UNC5CL: variants seen among roughly 807,000 people sequenced by gnomAD.
UNC5CL encodes unc-5 family C-terminal like.
Under a neutral mutation model 54.1 loss-of-function variants are expected in UNC5CL, and 42 were observed. That is an observed-to-expected ratio of 0.78 (90% CI 0.61 to 1.00). The LOEUF (loss-of-function observed/expected upper bound fraction) is 1.00. Ranked by LOEUF, UNC5CL falls within the 50% of genes least tolerant of loss-of-function variation. The pLI, the probability that UNC5CL is intolerant of heterozygous loss-of-function variation, is 0.00. For missense variants in UNC5CL, 619 were observed against 675.6 expected (o/e 0.92, Z 0.93); for synonymous variants, 285 against 285.1 (o/e 1.00, Z 0.00).
chr6:41,033,930 C>T lies in UNC5CL; in HGVS notation c.637G>A (p.Gly213Arg). 6.2e-7 allele frequency: 1 copy of T among 1,613,856 alleles called. No homozygotes were observed. The highest frequency in any genetic ancestry group is 1.1e-5 in the South Asian group (1 of 91,072). Residue 213 changes from glycine to arginine, a missense_variant, in exon 3 of 9, where the codon GGG (glycine) becomes AGG (arginine). Coordinates refer to ENST00000244565, the MANE Select transcript of UNC5CL (RefSeq NM_173561.3). ...CACTCATCCCGGGAGGCGTGGGCCC[C>T]CGGCCGCCCCAGGGGCCTCCATACC... is the stretch of plus-strand genomic sequence containing the variant. ...AKVWRPLGRP[G>R]AHASRDECRI...
intron 2 of UNC5CL, 26 bp downstream of exon 2, chr6:41,034,664 C>CGGA: frequency 6.3e-7 from 1 of 1,593,050 alleles, no homozygotes; most frequent in Admixed American, 1.7e-5. Flanking sequence ...CAACTGTATG[C>CGGA]GGAGATGAGA....
chr6:41,028,728 C>T lies in UNC5CL; in HGVS notation c.1335-133G>A. 1 of 846,130 alleles carries T rather than the reference C, an allele frequency of 1.2e-6. No homozygotes were observed. Among genetic ancestry groups the T allele is most frequent in the Non-Finnish European group, 1.8e-6 (1 of 559,930 alleles). The allele number at this position is 846,130 out of a possible 1,614,324, so 52.4% of individuals were successfully genotyped here. A position where few individuals can be genotyped will look rare whatever the true frequency, so the allele number is the denominator to read the frequency against. On this transcript the variant is annotated intron_variant, in intron 8 of 8. Transcript: ENST00000244565. This position sits in a 1 kb window ranked among gnomAD's most constrained non-coding sequence, Gnocchi z 4.3. The stretch of plus-strand genomic sequence containing the variant: ...CTGTAGCTTTTGTCCTTGTCCTGCT[C>T]TTGCCTGCCTTCCAGGGCACAGGAG...
In UNC5CL at chr6:41,028,367, G is replaced by A. The variant is rs1333450616; in HGVS notation, c.*6C>T. 1.9e-6 allele frequency: 3 copies of A among 1,566,442 alleles called. No homozygotes were observed. The highest frequency in any genetic ancestry group is 2.6e-6 in the Non-Finnish European group (3 of 1,157,068). ...TACACCTCCTCCGGCCCTGCCCGCT[G>A]GGCGCTCAGAGCTTCTCGTCCAGCT... On this transcript the variant is annotated 3_prime_UTR_variant, in exon 9 of 9. Coordinates refer to ENST00000244565, the MANE Select transcript of UNC5CL (RefSeq NM_173561.3). This position sits in a 1 kb window ranked among gnomAD's most constrained non-coding sequence, Gnocchi z 4.3.
In UNC5CL at chr6:41,034,905, G is replaced by A. The variant is rs537774250; in HGVS notation, c.170C>T (p.Thr57Ile). The change falls in exon 2 of 9, where the codon ACC (threonine) becomes ATC (isoleucine). Residue 57 changes from threonine to isoleucine, a missense_variant. Thr to Ile is a moderately conservative substitution (Grantham distance 89). Transcript: ENST00000244565. ...NGQEEPVSQP[T>I]PQLENEVSRQ... ...TGAGACCTCATTTTCTAGTTGGGGG[G>A]TAGGCTGGGACACTGGTTCCTCTTG... 33 of 1,614,202 alleles carry A rather than the reference G, an allele frequency of 2.0e-5. No individual in the cohort carries two copies. The Admixed American group carries it at 2.5e-4, about 12-fold the overall frequency.
In UNC5CL at chr6:41,027,098, A is replaced by T. The variant is rs1218639262; in HGVS notation, c.*1275T>A. 1 of 152,200 alleles carries T rather than the reference A, an allele frequency of 6.6e-6. No individual in the cohort carries two copies. The highest frequency in any genetic ancestry group is 1.9e-4 in the East Asian group (1 of 5,196). The allele number at this position is 152,200 out of a possible 1,614,324, so 9.4% of individuals were successfully genotyped here. On this transcript the variant is annotated 3_prime_UTR_variant, in exon 9 of 9. Transcript: ENST00000244565. ...TCATGTCTTTTGTATACAGTATCAAACACATAGTAGGTGCTGAATAAGTAT... is the reference window on the plus strand; with the variant it reads ...TCATGTCTTTTGTATACAGTATCAATCACATAGTAGGTGCTGAATAAGTAT...
intron 6 of UNC5CL, 66 bp from the exon 7 acceptor site, chr6:41,030,821 G>A: frequency 2.8e-6 from 4 of 1,425,428 alleles, no homozygotes; most frequent in East Asian, 2.3e-5. Flanking sequence ...TAAGAAGCTG[G>A]AGTCCTACCT....
rs1762475660 is a variant in UNC5CL, at chr6:41,033,091, G to A, written c.742C>T (p.Gln248Ter). 1.9e-6 allele frequency: 3 copies of A among 1,612,434 alleles called. No homozygotes were observed. Among genetic ancestry groups the A allele is most frequent in the South Asian group, 1.1e-5 (1 of 90,804 alleles). The stretch of plus-strand genomic sequence containing the variant: ...AGCGGTGAGCAGAATACGGCCAGCT[G>A]CAGCCATTTGCGGGCTTCGCGCCCC... ...PVGREARKWL[Q>*]LAVFCSPLVP... Residue 248 changes from glutamine to a stop codon, truncating the protein, a stop_gained, in exon 4 of 9, where the codon CAG becomes TAG. Transcript: ENST00000244565. LOFTEE classifies it high-confidence loss of function.
intron 1 of UNC5CL, among the ~76,000 whole-genome samples, chr6:41,036,276 C>T (rs890565455): frequency 2.0e-5 from 3 of 152,192 alleles, no homozygotes; most frequent in South Asian, 4.1e-4. Context: ...CATACCCAGT[C>T]TTTGAAATCC....
Position 41,027,066 on chromosome 6 carries a change from A to C in UNC5CL, c.*1307T>G, listed in dbSNP as rs1581973343. On this transcript the variant is annotated 3_prime_UTR_variant, in exon 9 of 9. Coordinates refer to ENST00000244565, the MANE Select transcript of UNC5CL (RefSeq NM_173561.3). ...ACCCTTTATTCTCTGTTCAGGACCCAGCCCATTCATGTCTTTTGTATACAG... is the reference window on the plus strand; with the variant it reads ...ACCCTTTATTCTCTGTTCAGGACCCCGCCCATTCATGTCTTTTGTATACAG... The C allele has an allele frequency of 2.0e-5, 3 of 152,362 alleles. No homozygotes were observed. In the East Asian group the frequency reaches 5.8e-4, roughly 29 times the overall value. 9.4% of individuals were successfully genotyped at this position (152,362 alleles called of 1,614,324 possible).
rs992108522 is a variant in UNC5CL, at chr6:41,028,637, G to A, written c.1335-42C>T. ...GAGGAAGAGAAGGGTGTAGGAGCAG[G>A]GAGGGGCTCCCCCCCTGCTGCAGGC... On this transcript the variant is annotated intron_variant, in intron 8 of 8. Coordinates refer to ENST00000244565, the MANE Select transcript of UNC5CL (RefSeq NM_173561.3). This position sits in a 1 kb window ranked among gnomAD's most constrained non-coding sequence, Gnocchi z 4.3. 1.3e-6 allele frequency: 2 copies of A among 1,579,724 alleles called. No homozygotes were observed. The highest frequency in any genetic ancestry group is 1.7e-5 in the Admixed American group (1 of 59,250).
intron 3 of UNC5CL, among the ~76,000 whole-genome samples, chr6:41,033,394 A>G (rs1014037298): frequency 2.6e-5 from 4 of 152,146 alleles, no homozygotes; most frequent in African/African-American, 9.7e-5. Flanking sequence ...CAGGGTGACC[A>G]TGCTTGGGAG....
At position 41,034,013 on chromosome 6, in the gene UNC5CL, G is replaced by T; in HGVS notation, c.554C>A (p.Ala185Asp). The change falls in exon 3 of 9, where the codon GCC (alanine) becomes GAC (aspartate). Residue 185 changes from alanine (A) to aspartate (D), a missense_variant. Physicochemically the swap from Ala to Asp is moderately radical, Grantham distance 126 (BLOSUM62 -2). Coordinates refer to ENST00000244565, the MANE Select transcript of UNC5CL (RefSeq NM_173561.3). ...GGTGCGAGCATGGCTGGGCTGCTCG[G>T]CACAGTGTTTGAACGTGAGAGTGCA... The part of the protein sequence containing the change: ...KPCTLTFKHC[A>D]EQPSHARTYS... 1 of 1,614,214 alleles carries T rather than the reference G, an allele frequency of 6.2e-7. No homozygotes were observed. The highest frequency in any genetic ancestry group is 8.5e-7 in the Non-Finnish European group (1 of 1,180,026).
At position 41,027,020 on chromosome 6, in the gene UNC5CL, G is replaced by T. The variant is rs1394984406; in HGVS notation, c.*1353C>A. The stretch of plus-strand genomic sequence containing the variant: ...TAACAACACCTGTTTGCAAACAAAA[G>T]AATTTCCAGAATGGAGTCAAACCCT... On this transcript the variant is annotated 3_prime_UTR_variant, in exon 9 of 9. Coordinates refer to ENST00000244565, the MANE Select transcript of UNC5CL (RefSeq NM_173561.3). The T allele has an allele frequency of 6.6e-6, 1 of 152,182 alleles. No homozygotes were observed. The highest frequency in any genetic ancestry group is 1.5e-5 in the Non-Finnish European group (1 of 68,026). 9.4% of individuals were successfully genotyped at this position (152,182 alleles called of 1,614,324 possible). A position where few individuals can be genotyped will look rare whatever the true frequency, so the allele number is the denominator to read the frequency against.
Position 41,032,963 on chromosome 6 carries a change from G to A in UNC5CL, c.870C>T (p.Arg290=). The change falls in exon 4 of 9, where the codon CGC becomes CGT. Residue 290 remains arginine, a synonymous_variant. Transcript: ENST00000244565. ...CGAAGAGCTGGCAGGGCCCACGCAG[G>A]CGCCCACCATGGGGCTGCTCGTTGG... The part of the protein sequence containing the change: ...ALTNEQPHGG[R]LRGPCQLFDF... The A allele has an allele frequency of 1.2e-6, 2 of 1,603,204 alleles. No individual in the cohort carries two copies. Among genetic ancestry groups the A allele is most frequent in the South Asian group, 1.1e-5 (1 of 89,108 alleles).
rs138840704 is a variant in UNC5CL, at chr6:41,038,554, T to G, written c.-62+608A>C. Among the ~76,000 whole-genome samples, 621 of 152,250 alleles carry G rather than the reference T, an allele frequency of 4.1e-3. 5 individuals are homozygous for G. Among genetic ancestry groups the G allele is most frequent in the African/African-American group, 0.013 (553 of 41,556 alleles). On this transcript the variant is annotated intron_variant, in intron 1 of 8. Coordinates refer to ENST00000244565, the MANE Select transcript of UNC5CL (RefSeq NM_173561.3). ...CTGCATCCTCCCTCTGGCTCCAGAA[T>G]GGGGAAAGGTCCGGAGTCTTGCTGA...
chr6:41,033,751 C>G, intron 3 of UNC5CL, 130 bp downstream of exon 3: 1 of 1,083,402 alleles, frequency 9.2e-7, no homozygotes, highest in Non-Finnish European at 1.3e-6. Flanking sequence ...AAAGAGACAC[C>G]AGGGGATAAA....
rs1349570387 is a variant in UNC5CL at position 41,035,144 on chromosome 6, G to A, written c.-61-9C>T. ...CAGCCAAAGCCAAAGGCCTGGTGGG[G>A]AAGAAGGGGTCAGTGTCAGGGTAAG... On this transcript the variant is annotated splice_polypyrimidine_tract_variant and intron_variant, in intron 1 of 8. Transcript: ENST00000244565. 2.7e-6 allele frequency: 4 copies of A among 1,503,436 alleles called. No homozygotes were observed. The East Asian group carries it at 9.1e-5, about 34-fold the overall frequency. 93.1% of individuals were successfully genotyped at this position (1,503,436 alleles called of 1,614,324 possible).
In UNC5CL at chr6:41,028,285, A is replaced by G; in HGVS notation, c.*88T>C. The G allele has an allele frequency of 6.8e-6, 9 of 1,317,236 alleles. No individual in the cohort carries two copies. Among genetic ancestry groups the G allele is most frequent in the Non-Finnish European group, 9.1e-6 (9 of 984,162 alleles). The allele number at this position is 1,317,236 out of a possible 1,614,324, so 81.6% of individuals were successfully genotyped here. ...GGGTTCTGGGAAGGGTGGTGGGCAC[A>G]GCCAGGAACAGCTGCTGTGTTCCTC... On this transcript the variant is annotated 3_prime_UTR_variant, in exon 9 of 9. Coordinates refer to ENST00000244565, the MANE Select transcript of UNC5CL (RefSeq NM_173561.3). The surrounding 1 kb of genome is among the most constrained non-coding windows in gnomAD (Gnocchi z 4.3).
In UNC5CL at chr6:41,027,895, G is replaced by C. The variant is rs942259573; in HGVS notation, c.*478C>G. ...CCCACCTCCCCTAACCACAGGGCAG[G>C]GCTGTTTTCGAGTTTGCCCTTGGCT... is the stretch of plus-strand genomic sequence containing the variant. On this transcript the variant is annotated 3_prime_UTR_variant, in exon 9 of 9. Transcript: ENST00000244565. 1.9e-5 allele frequency: 3 copies of C among 155,074 alleles called. No homozygotes were observed. Among genetic ancestry groups the C allele is most frequent in the African/African-American group, 7.2e-5 (3 of 41,522 alleles). 9.6% of individuals were successfully genotyped at this position (155,074 alleles called of 1,614,324 possible). A position where few individuals can be genotyped will look rare whatever the true frequency, so the allele number is the denominator to read the frequency against.
Sources: gnomAD v4.1 joint callset for allele counts (sites outside exome capture counted in the v4.1 genomes callset) on GRCh38, gnomAD v4.1.1 for gene constraint, Gnocchi (gnomAD v3.1) non-coding constraint, MANE v1.5 for transcripts, NCBI Gene and HGNC (gene_info 2026-07-23, HGNC 2026-07-21) for gene names.